NEMP2: variants seen among roughly 807,000 people sequenced by gnomAD.
NEMP2 encodes the protein nuclear envelope integral membrane protein 2, also known as UPF0571 transmembrane protein.
A neutral mutation model predicts 54.2 loss-of-function variants in NEMP2; 53 were observed. The observed-to-expected ratio is 0.98, with a 90% confidence interval of 0.78 to 1.23. The LOEUF is 1.23. NEMP2 is among the 50% of genes most tolerant of loss of function. NEMP2 has a pLI of 0.00. For missense variants in NEMP2, 455 were observed against 511.3 expected (o/e 0.89, Z 1.06); for synonymous variants, 197 against 190.3 (o/e 1.04, Z -0.29).
upstream of NEMP2, among the ~76,000 whole-genome samples, chr2:190,535,341 G>A (rs945499304): frequency 6.6e-6 from 1 of 152,050 alleles, no homozygotes; most frequent in Non-Finnish European, 1.5e-5. Flanking sequence ...CTCGTAAAAT[G>A]TTCCTTCACC....
chr2:190,596,681 A>G, the NEMP2 span, among the ~76,000 whole-genome samples: 7 of 152,214 alleles, frequency 4.6e-5, no homozygotes, highest in African/African-American at 1.7e-4. The surrounding 1 kb of genome is among the most constrained non-coding windows in gnomAD (Gnocchi z 5.1). Context: ...TATTATTGGA[A>G]GGAAACTATC....
downstream of NEMP2, chr2:190,500,141 C>T (rs758862665): frequency 3.7e-6 from 6 of 1,614,008 alleles, no homozygotes; most frequent in African/African-American, 8.0e-5. The surrounding 1 kb of genome is among the most constrained non-coding windows in gnomAD (Gnocchi z 5.3). Context: ...GCAGACCAGC[C>T]CCGCTCACCC....
At chr2:190,595,960 T>G in the NEMP2 span, among the ~76,000 whole-genome samples, 7 of 152,236 alleles carry the variant, frequency 4.6e-5, no homozygotes, top group Non-Finnish European at 7.3e-5. The surrounding 1 kb of genome is among the most constrained non-coding windows in gnomAD (Gnocchi z 4.0). Context: ...ATATGTTTAC[T>G]GCAGCACTGT....
the NEMP2 span, chr2:190,497,924 T>C: frequency 6.5e-5 from 32 of 494,818 alleles, no homozygotes; most frequent in African/African-American, 5.7e-4. This position sits in a 1 kb window ranked among gnomAD's most constrained non-coding sequence, Gnocchi z 5.2. Context: ...TTCTGCCTTA[T>C]GGAGTTCAGG....
At chr2:190,426,301 C>G in the NEMP2 span, among the ~76,000 whole-genome samples, 5 of 152,156 alleles carry the variant, frequency 3.3e-5, no homozygotes, top group African/African-American at 1.2e-4. The surrounding 1 kb of genome is among the most constrained non-coding windows in gnomAD (Gnocchi z 4.7). Context: ...ACTCATTAAT[C>G]CCTCTGTCCC....
chr2:190,613,005 T>A, the NEMP2 span, among the ~76,000 whole-genome samples: 1 of 152,206 alleles, frequency 6.6e-6, no homozygotes, highest in South Asian at 2.1e-4. Context: ...CCATTACATT[T>A]ATCTAATTAT....
chr2:190,471,540 G>T, the NEMP2 span, among the ~76,000 whole-genome samples: 1 of 152,226 alleles, frequency 6.6e-6, no homozygotes, highest in Non-Finnish European at 1.5e-5. This position sits in a 1 kb window ranked among gnomAD's most constrained non-coding sequence, Gnocchi z 4.7. Context: ...GTGAGGCTGG[G>T]GGAGGGGCAC....
the NEMP2 span, among the ~76,000 whole-genome samples, chr2:190,596,150 A>G: frequency 6.6e-6 from 1 of 152,186 alleles, no homozygotes; most frequent in Non-Finnish European, 1.5e-5. This position sits in a 1 kb window ranked among gnomAD's most constrained non-coding sequence, Gnocchi z 5.1. Context: ...GACACAGGAC[A>G]AGAAAACCAA....
the NEMP2 span, among the ~76,000 whole-genome samples, chr2:190,428,392 A>G: frequency 1.3e-5 from 2 of 152,184 alleles, no homozygotes; most frequent in Non-Finnish European, 2.9e-5. Context: ...TTTTTAAAGT[A>G]GTGTATCAAT....
the NEMP2 span, among the ~76,000 whole-genome samples, chr2:190,448,482 T>G: frequency 1.7e-4 from 26 of 152,172 alleles, no homozygotes; most frequent in African/African-American, 6.3e-4. Context: ...ATGCAGGGGT[T>G]AAAAGAAATA....
chr2:190,497,127 G>A, the NEMP2 span, among the ~76,000 whole-genome samples: 3 of 152,086 alleles, frequency 2.0e-5, no homozygotes, highest in African/African-American at 4.8e-5. The surrounding 1 kb of genome is among the most constrained non-coding windows in gnomAD (Gnocchi z 5.2). Flanking sequence ...TCATAATCCT[G>A]TAAATGGGCC....
At chr2:190,646,911 A>C in the NEMP2 span, 2 of 152,206 alleles carry the variant, frequency 1.3e-5, no homozygotes, top group Non-Finnish European at 2.9e-5. Context: ...ATCTTTACGG[A>C]AAAAAGTTCT....
the NEMP2 span, among the ~76,000 whole-genome samples, chr2:190,422,409 G>A: frequency 9.9e-5 from 15 of 152,076 alleles, no homozygotes; most frequent in African/African-American, 3.1e-4. Flanking sequence ...TCTGTCTTTC[G>A]CTTGATTTAT....
chr2:190,579,791 C>T, the NEMP2 span, among the ~76,000 whole-genome samples: 5 of 152,338 alleles, frequency 3.3e-5, no homozygotes, highest in Non-Finnish European at 5.9e-5. Context: ...TCTTATCAGT[C>T]GTTCCTGAAT....
the NEMP2 span, among the ~76,000 whole-genome samples, chr2:190,481,554 G>T: frequency 6.6e-6 from 1 of 152,148 alleles, no homozygotes; most frequent in Non-Finnish European, 1.5e-5. Flanking sequence ...TGTTCTCAAG[G>T]AGCTCAGTCT....
At chr2:190,492,356 A>T in the NEMP2 span, among the ~76,000 whole-genome samples, 1 of 152,346 alleles carries the variant, frequency 6.6e-6, no homozygotes, top group Admixed American at 6.5e-5. This position sits in a 1 kb window ranked among gnomAD's most constrained non-coding sequence, Gnocchi z 5.2. Flanking sequence ...CAGGCTATCT[A>T]AAGTCAAGAG....
the NEMP2 span, among the ~76,000 whole-genome samples, chr2:190,587,275 C>A: frequency 1.8e-4 from 28 of 152,288 alleles, no homozygotes; most frequent in African/African-American, 6.5e-4. The surrounding 1 kb of genome is among the most constrained non-coding windows in gnomAD (Gnocchi z 5.4). Flanking sequence ...GGCGTACTTA[C>A]TGACCATTAT....
At chr2:190,500,990 A>C (rs1689996351), downstream of NEMP2, 2 of 152,230 alleles carry the variant, frequency 1.3e-5, no homozygotes, top group South Asian at 4.1e-4. The surrounding 1 kb of genome is among the most constrained non-coding windows in gnomAD (Gnocchi z 5.3). Context: ...CCAACTCAGT[A>C]TCCTGTGTTT....
chr2:190,519,434 T>C lies in NEMP2; in HGVS notation c.214-251A>G, dbSNP rs967480012. Among the ~76,000 whole-genome samples the C allele has an allele frequency of 6.6e-6, 1 of 152,142 alleles. No homozygotes were observed. Among genetic ancestry groups the C allele is most frequent in the Non-Finnish European group, 1.5e-5 (1 of 68,018 alleles). On this transcript the variant is annotated intron_variant, in intron 2 of 8. Transcript: ENST00000409150. This position sits in a 1 kb window ranked among gnomAD's most constrained non-coding sequence, Gnocchi z 5.4. Reference sequence around the variant, plus strand: ...TGAGGTTTCGCCATGTTTCCCAGGCTGGTCTCGAACTCCTGGGCTCAAGCT... The same window carrying C: ...TGAGGTTTCGCCATGTTTCCCAGGCCGGTCTCGAACTCCTGGGCTCAAGCT...
Sources: gnomAD v4.1 joint callset for allele counts (sites outside exome capture counted in the v4.1 genomes callset) on GRCh38, gnomAD v4.1.1 for gene constraint, Gnocchi (gnomAD v3.1) non-coding constraint, MANE v1.5 for transcripts, NCBI Gene and HGNC (gene_info 2026-07-23, HGNC 2026-07-21) for gene names.